SPTB: variants seen among roughly 807,000 people sequenced by gnomAD.
SPTB encodes spectrin beta, erythrocytic, also known as spectrin beta chain, erythrocytic.
In SPTB, 45 loss-of-function variants were observed where a neutral mutation model predicts 256.2. That is an observed-to-expected ratio of 0.18 (90% confidence interval 0.14 to 0.23). SPTB has a LOEUF of 0.23. Among genes scored for constraint, SPTB ranks in the 10% least tolerant of loss-of-function variants. SPTB has a pLI of 1.00. For missense variants in SPTB, 2,715 were observed against 3,040.4 expected, an observed-to-expected ratio of 0.89 and a Z score of 2.52; for synonymous variants, 1,231 against 1,243.1, an observed-to-expected ratio of 0.99 and a Z score of 0.21.
chr14:64,770,034 T>A (rs2082254445), intron 27 of SPTB, among the ~76,000 whole-genome samples: 1 of 152,180 alleles, frequency 6.6e-6, no homozygotes, highest in African/African-American at 2.4e-5. Flanking sequence ...CAGGGATGCA[T>A]CTTGAAAACA....
intron 1 of SPTB, among the ~76,000 whole-genome samples, chr14:64,875,652 A>C (rs1224760797): frequency 6.6e-6 from 1 of 152,262 alleles, no homozygotes; most frequent in Admixed American, 6.5e-5. Flanking sequence ...TTCTTATCTA[A>C]AACAGAGGAG....
At chr14:64,818,383 C>G (rs2083229351) in intron 2 of SPTB, among the ~76,000 whole-genome samples, 1 of 152,098 alleles carries the variant, frequency 6.6e-6, no homozygotes, top group Admixed American at 6.5e-5. Context: ...AAGCTGTGTG[C>G]ATGGGTAAGG....
chr14:64,791,565 CAAAAAA>C (rs563905446), intron 15 of SPTB, among the ~76,000 whole-genome samples, 148 bp downstream of exon 15: 29 of 45,846 alleles, frequency 6.3e-4, no homozygotes, highest in South Asian at 1.7e-3. Context: ...GGTTCTGTGT[CAAAAAA>C]AAAAAAAAAA....
intron 1 of SPTB, among the ~76,000 whole-genome samples, chr14:64,855,500 AT>A (rs1051331647): frequency 6.6e-6 from 1 of 152,066 alleles, no homozygotes; most frequent in Non-Finnish European, 1.5e-5. Flanking sequence ...ACATGACTTA[AT>A]TTTTTTATTA....
chr14:64,762,044 G>A (rs2082103491), intron 32 of SPTB, among the ~76,000 whole-genome samples: 1 of 152,090 alleles, frequency 6.6e-6, no homozygotes, highest in African/African-American at 2.4e-5. Context: ...AAGGAGAAAG[G>A]GACATGCCCA....
chr14:64,861,786 C>T (rs975539247), intron 1 of SPTB, among the ~76,000 whole-genome samples: 1 of 152,198 alleles, frequency 6.6e-6, no homozygotes, highest in African/African-American at 2.4e-5. Flanking sequence ...ACGAAAATTG[C>T]TTTCTTGAGG....
intron 6 of SPTB, 57 bp from the exon 7 acceptor site, chr14:64,801,457 G>A: frequency 7.9e-7 from 1 of 1,268,174 alleles, no homozygotes; most frequent in East Asian, 2.3e-5. Flanking sequence ...CACCAGGAGG[G>A]CAGCCCTAGC....
At chr14:64,871,459 T>C (rs906848495) in intron 1 of SPTB, among the ~76,000 whole-genome samples, 1 of 152,218 alleles carries the variant, frequency 6.6e-6, no homozygotes, top group Non-Finnish European at 1.5e-5. Context: ...GAACCACTGG[T>C]GGCTTTTGAG....
At position 64,841,463 on chromosome 14, in the gene SPTB, G is replaced by C. The variant is rs2083606047; in HGVS notation, c.-51-18318C>G. ...CCAGGCAACAAGAGCATCAAGAAAG[G>C]CAACAGGAAAGAAAGATGATCTGCA... On this transcript the variant is annotated intron_variant, in intron 1 of 35. Coordinates refer to ENST00000644917, the MANE Select transcript of SPTB (RefSeq NM_001355436.2). This position sits in a 1 kb window ranked among gnomAD's most constrained non-coding sequence, Gnocchi z 4.6. Among the ~76,000 whole-genome samples the C allele has an allele frequency of 6.6e-6, 1 of 152,134 alleles. No individual in the cohort carries two copies. Among genetic ancestry groups the C allele is most frequent in the Non-Finnish European group, 1.5e-5 (1 of 68,026 alleles).
chr14:64,752,210 C>T, intron 33 of SPTB: 2 of 1,348,526 alleles, frequency 1.5e-6, no homozygotes, highest in Non-Finnish European at 2.0e-6. Flanking sequence ...GCTTCACTCA[C>T]ACGTGGGAAG....
At chr14:64,867,329 G>T (rs925970663) in intron 1 of SPTB, among the ~76,000 whole-genome samples, 1 of 151,286 alleles carries the variant, frequency 6.6e-6, no homozygotes, top group Non-Finnish European at 1.5e-5. Context: ...CATAAGCCAG[G>T]CCCTGAGTTG....
At chr14:64,787,330 T>C (rs1017753299) in intron 15 of SPTB, among the ~76,000 whole-genome samples, 170 bp from the exon 16 acceptor site, 4 of 151,944 alleles carry the variant, frequency 2.6e-5, no homozygotes, top group African/African-American at 9.7e-5. Flanking sequence ...TGAGCAAAAT[T>C]CACTTCTCCA....
intron 1 of SPTB, among the ~76,000 whole-genome samples, chr14:64,876,075 C>T (rs374823779): frequency 2.0e-5 from 3 of 152,132 alleles, no homozygotes; most frequent in East Asian, 3.9e-4. Context: ...AGCAATCCTC[C>T]TCCCTTAGCC....
At position 64,784,353 on chromosome 14, in the gene SPTB, T is replaced by C; in HGVS notation, c.3896A>G (p.Asp1299Gly). 6.2e-7 allele frequency: 1 copy of C among 1,614,254 alleles called. No homozygotes were observed. Among genetic ancestry groups the C allele is most frequent in the Non-Finnish European group, 8.5e-7 (1 of 1,180,050 alleles). The change falls in exon 19 of 36, where the codon GAT becomes GGT. Residue 1299 changes from aspartate to glycine, a missense_variant. This residue lies in a region of SPTB where 2,239 missense variants were observed against 2,384.4 expected (regional missense o/e 0.94). Transcript: ENST00000644917. ...GTTTCGTGCTTCATCATAGGAGACA[T>C]CCTGAGATGTCAGCAGCTTGTCGTT... ...WINDKLLTSQ[D>G]VSYDEARNLH...
At chr14:64,815,617 G>T (rs2083177456) in intron 2 of SPTB, among the ~76,000 whole-genome samples, 1 of 152,228 alleles carries the variant, frequency 6.6e-6, no homozygotes, top group Non-Finnish European at 1.5e-5. Flanking sequence ...AGAACATGGG[G>T]CTGCAAAAGT....
chr14:64,759,054 G>A lies in SPTB; in HGVS notation c.6346-5261C>T, dbSNP rs1196253109. ...AGCTGGAAAGAGGCCTTGGGGTCAT[G>A]GGACTCAGCCTCTCCTATCTCAGAT... On this transcript the variant is annotated intron_variant, in intron 32 of 35. Transcript: ENST00000644917. This position sits in a 1 kb window ranked among gnomAD's most constrained non-coding sequence, Gnocchi z 4.8. 1.3e-5 allele frequency among the ~76,000 whole-genome samples: 2 copies of A among 152,174 alleles called. No homozygotes were observed. The highest frequency in any genetic ancestry group is 2.4e-5 in the African/African-American group (1 of 41,424).
At chr14:64,863,354 A>G (rs1420978388) in intron 1 of SPTB, among the ~76,000 whole-genome samples, 1 of 152,206 alleles carries the variant, frequency 6.6e-6, no homozygotes, top group African/African-American at 2.4e-5. Context: ...AAAGTTTATG[A>G]ATTTATGTTG....
At chr14:64,879,117 C>T (rs1319177985) in intron 1 of SPTB, among the ~76,000 whole-genome samples, 2 of 152,106 alleles carry the variant, frequency 1.3e-5, no homozygotes, top group African/African-American at 4.8e-5. Flanking sequence ...TAGAGTAGCC[C>T]GGAGAAGCTT....
intron 15 of SPTB, among the ~76,000 whole-genome samples, chr14:64,791,479 T>G (rs1161568309): frequency 7.2e-6 from 1 of 139,654 alleles, no homozygotes; most frequent in Non-Finnish European, 1.5e-5. Flanking sequence ...GGAACAAGAA[T>G]AGCTTGAACC....
Sources: gnomAD v4.1 joint callset for allele counts (sites outside exome capture counted in the v4.1 genomes callset) on GRCh38, gnomAD v4.1.1 for gene constraint, gnomAD v4.1.1 regional missense constraint, Gnocchi (gnomAD v3.1) non-coding constraint, MANE v1.5 for transcripts, NCBI Gene and HGNC (gene_info 2026-07-23, HGNC 2026-07-21) for gene names.